The following PCDHA9 variants were observed in gnomAD, a reference collection of about 807,000 sequenced individuals.
PCDHA9 encodes protocadherin alpha-9.
A neutral mutation model predicts 62.0 loss-of-function variants in PCDHA9; 62 were observed. The observed-to-expected ratio is 1.00, with a 90% CI of 0.81 to 1.23. PCDHA9 has a LOEUF of 1.23. PCDHA9 is among the 50% of genes most tolerant of loss of function. PCDHA9 has a pLI of 0.00. For synonymous variants in PCDHA9, 557 were observed against 567.6 expected, an observed-to-expected ratio of 0.98 and a Z score of 0.27; for missense variants, 1,205 against 1,249.8, an observed-to-expected ratio of 0.96 and a Z score of 0.54.
chr5:140,919,795 A>G (rs1554199259), intron 1 of PCDHA9, among the ~76,000 whole-genome samples: 1 of 152,070 alleles, frequency 6.6e-6, no homozygotes, highest in East Asian at 1.9e-4. Context: ...CTTGTGGTGG[A>G]TTGAATTGTG....
chr5:140,882,054 C>T, intron 1 of PCDHA9: 1 of 781,668 alleles, frequency 1.3e-6, no homozygotes. Context: ...CATACTTACA[C>T]TTACACGTTC....
At chr5:140,862,318 A>G in intron 1 of PCDHA9, 1 of 317,904 alleles carries the variant, frequency 3.1e-6, no homozygotes, top group South Asian at 2.8e-5. Context: ...TCATAGCCCT[A>G]ATCAGTGTAA....
rs1349532162 is a variant in PCDHA9 at position 140,850,332 on chromosome 5, C to T, written c.1837C>T (p.Pro613Ser). 2 of 1,597,432 alleles carry T rather than the reference C, an allele frequency of 1.3e-6. No individual in the cohort carries two copies. Among genetic ancestry groups the T allele is most frequent in the Admixed American group, 1.7e-5 (1 of 59,246 alleles). ...YNAWLSYELQ[P>S]ETASASIPFR... ...CGCGTGGCTTTCATACGAGCTGCAG[C>T]CAGAAACGGCCAGCGCGAGCATCCC... is the stretch of plus-strand genomic sequence containing the variant. Residue 613 changes from proline (P) to serine (S), a missense_variant, in exon 1 of 4, where the codon CCA becomes TCA. Pro to Ser is a moderately conservative substitution (Grantham distance 74, BLOSUM62 -1). This residue lies in a region of PCDHA9 where 887 missense variants were observed against 809.5 expected (regional missense o/e 1.10). Coordinates refer to ENST00000532602, the MANE Select transcript of PCDHA9 (RefSeq NM_031857.2).
intron 1 of PCDHA9, chr5:140,882,791 A>G (rs1554175610): frequency 6.2e-7 from 1 of 1,614,254 alleles, no homozygotes; most frequent in South Asian, 1.1e-5. Context: ...ACTGGATCCC[A>G]ACGATTATTT....
intron 1 of PCDHA9, chr5:140,856,004 T>C (rs782001586): frequency 6.5e-7 from 1 of 1,538,284 alleles, no homozygotes; most frequent in Non-Finnish European, 8.8e-7. Context: ...GTATGTGCGT[T>C]CTAGACCGCT....
intron 3 of PCDHA9, among the ~76,000 whole-genome samples, chr5:141,000,339 ATC>A (rs1414297743): frequency 2.0e-5 from 2 of 102,334 alleles, no homozygotes; most frequent in Admixed American, 1.0e-4. Context: ...GCAAGGCCCT[ATC>A]TCTCTCTCTG....
In PCDHA9 at chr5:141,010,605, A is replaced by G. The variant is rs2098417765; in HGVS notation, c.*668A>G. ...AAAGTCTGTTGGCTGTGACGTCATT[A>G]TACCTAAAATCTGCATCATACCTGC... On this transcript the variant is annotated 3_prime_UTR_variant, in exon 4 of 4. Transcript: ENST00000532602. 1 of 206,202 alleles carries G rather than the reference A, an allele frequency of 4.8e-6. No individual in the cohort carries two copies. Among genetic ancestry groups the G allele is most frequent in the Non-Finnish European group, 9.9e-6 (1 of 101,122 alleles). 12.8% of individuals were successfully genotyped at this position (206,202 alleles called of 1,614,324 possible). A position where few individuals can be genotyped will look rare whatever the true frequency, so the allele number is the denominator to read the frequency against.
At chr5:140,862,494 G>A (rs1008951764) in intron 1 of PCDHA9, 2 of 389,834 alleles carry the variant, frequency 5.1e-6, no homozygotes, top group South Asian at 2.0e-5. Context: ...GTAATCGCTC[G>A]GAATGGGGAC....
chr5:140,887,361 G>T (rs2061424710), intron 1 of PCDHA9, among the ~76,000 whole-genome samples: 1 of 152,144 alleles, frequency 6.6e-6, no homozygotes, highest in South Asian at 2.1e-4. Flanking sequence ...CTCCCAAAGT[G>T]CTGGGATTAC....
chr5:140,940,552 G>A (rs1198606745), intron 1 of PCDHA9, among the ~76,000 whole-genome samples: 4 of 152,018 alleles, frequency 2.6e-5, no homozygotes, highest in African/African-American at 9.7e-5. Flanking sequence ...GGGCTCAAGT[G>A]ATTCTCCTAC....
chr5:140,954,523 G>A (rs1368260807), intron 1 of PCDHA9, among the ~76,000 whole-genome samples: 4 of 152,186 alleles, frequency 2.6e-5, no homozygotes, highest in African/African-American at 9.6e-5. Flanking sequence ...AATGATCAGT[G>A]ATGTTGAGGT....
rs932495728 is a variant in PCDHA9, at chr5:140,945,802, C to T, written c.2395-33147C>T. ...AGATGCAGAAAAATGAAACTAGACC[C>T]TTATCTCACACTGTATACAAAAGTC... On this transcript the variant is annotated intron_variant, in intron 1 of 3. Coordinates refer to ENST00000532602, the MANE Select transcript of PCDHA9 (RefSeq NM_031857.2). Among the ~76,000 whole-genome samples the T allele has an allele frequency of 5.9e-5, 9 of 152,202 alleles. No homozygotes were observed. The East Asian group carries it at 1.7e-3, about 29-fold the overall frequency.
intron 1 of PCDHA9, chr5:140,883,164 A>G (rs559249411): frequency 1.2e-6 from 2 of 1,614,060 alleles, no homozygotes; most frequent in African/African-American, 1.3e-5. Context: ...AATCCGAACA[A>G]TGGAGAAATT....
In PCDHA9 at chr5:140,944,191, G is replaced by T. The variant is rs181232402; in HGVS notation, c.2395-34758G>T. The stretch of plus-strand genomic sequence containing the variant: ...GGCTGGTTTTTTGTTGGTTTGTTTT[G>T]TTTTGTTTTGTTTTTAAAGAGGGTT... On this transcript the variant is annotated intron_variant, in intron 1 of 3. Coordinates refer to ENST00000532602, the MANE Select transcript of PCDHA9 (RefSeq NM_031857.2). 9.2e-5 allele frequency among the ~76,000 whole-genome samples: 14 copies of T among 152,098 alleles called. No individual in the cohort carries two copies. The East Asian group carries it at 2.5e-3, about 27-fold the overall frequency.
At chr5:140,852,947 T>C in intron 1 of PCDHA9, 2 of 520,496 alleles carry the variant, frequency 3.8e-6, no homozygotes, top group Non-Finnish European at 2.5e-6. Flanking sequence ...GGTGCCATCT[T>C]GGCTCACTCC....
chr5:140,889,103 T>C (rs1554183781), intron 1 of PCDHA9, among the ~76,000 whole-genome samples: 2 of 151,990 alleles, frequency 1.3e-5, no homozygotes. Flanking sequence ...TTTTTTCATC[T>C]TTATTCCAGG....
chr5:140,938,118 T>G (rs1554211986), intron 1 of PCDHA9, among the ~76,000 whole-genome samples: 1 of 152,178 alleles, frequency 6.6e-6, no homozygotes. Context: ...TCTCTCTTTT[T>G]TTAAAAAAAT....
chr5:140,923,814 A>G (rs1554201602), intron 1 of PCDHA9, among the ~76,000 whole-genome samples: 1 of 152,250 alleles, frequency 6.6e-6, no homozygotes, highest in Non-Finnish European at 1.5e-5. Flanking sequence ...ATCTTCTGAA[A>G]ATAGACGTCA....
In PCDHA9 at chr5:141,000,421, A is replaced by ATTTTT. The variant is rs34755515; in HGVS notation, c.2543-9187_2543-9183dup. Among the ~76,000 whole-genome samples, 110 of 27,976 alleles carry ATTTTT rather than the reference A, an allele frequency of 3.9e-3. 3 individuals carry two copies. Among genetic ancestry groups the ATTTTT allele is most frequent in the Non-Finnish European group, 5.0e-3 (89 of 17,656 alleles). The allele number at this position is 27,976 out of a possible 152,430, so 18.4% of individuals were successfully genotyped here. ...TATATATATATATATATATATATATATTTTTTTTTTTTTTTTTTTTTTTGA... is the reference window on the plus strand; with the variant it reads ...TATATATATATATATATATATATATATTTTTTTTTTTTTTTTTTTTTTTTTTTTGA... On this transcript the variant is annotated intron_variant, in intron 3 of 3. Coordinates refer to ENST00000532602, the MANE Select transcript of PCDHA9 (RefSeq NM_031857.2).
Sources: gnomAD v4.1 joint callset for allele counts (sites outside exome capture counted in the v4.1 genomes callset) on GRCh38, gnomAD v4.1.1 for gene constraint, gnomAD v4.1.1 regional missense constraint, MANE v1.5 for transcripts, NCBI Gene and HGNC (gene_info 2026-07-23, HGNC 2026-07-21) for gene names.